KCNN3: variants seen among roughly 807,000 people sequenced by gnomAD.
KCNN3 encodes small conductance calcium-activated potassium channel protein 3.
In KCNN3, 16 loss-of-function variants were observed where a neutral mutation model predicts 62.9. That is an observed-to-expected ratio of 0.25 (90% CI 0.17 to 0.39). The LOEUF (loss-of-function observed/expected upper bound fraction) is 0.39. KCNN3 is among the 10% of genes least tolerant of loss of function. The pLI, the probability that KCNN3 is intolerant of heterozygous loss-of-function variation, is 1.00. For synonymous variants in KCNN3, 370 were observed against 389.2 expected (o/e 0.95, Z 0.58); for missense variants, 599 against 949.4 (o/e 0.63, Z 4.85).
chr1:154,715,079 C>T, intron 5 of KCNN3, 76 bp from the exon 6 acceptor site: 1 of 1,547,800 alleles, frequency 6.5e-7, no homozygotes, highest in Non-Finnish European at 8.9e-7. Context: ...CTACTGTAGT[C>T]TACCTCATAA....
chr1:154,833,577 T>C (rs1398318223), intron 1 of KCNN3, among the ~76,000 whole-genome samples: 1 of 152,200 alleles, frequency 6.6e-6, no homozygotes, highest in African/African-American at 2.4e-5. Context: ...TCCCCGATTC[T>C]ATAGGCAAGC....
At chr1:154,764,853 A>G (rs888150917) in intron 3 of KCNN3, among the ~76,000 whole-genome samples, 2 of 152,204 alleles carry the variant, frequency 1.3e-5, no homozygotes, top group African/African-American at 4.8e-5. Context: ...TTTCTTTACA[A>G]CATTTCATTA....
chr1:154,749,198 G>A (rs1051464024), intron 3 of KCNN3, among the ~76,000 whole-genome samples: 2 of 152,222 alleles, frequency 1.3e-5, no homozygotes, highest in African/African-American at 4.8e-5. Flanking sequence ...GTTGCGCACT[G>A]TGCAACTCCA....
At position 154,799,140 on chromosome 1, in the gene KCNN3, CT is replaced by C. The variant is rs556463722; in HGVS notation, c.1029+22948del. On this transcript the variant is annotated intron_variant, in intron 2 of 7. Coordinates refer to ENST00000271915, the MANE Select transcript of KCNN3 (RefSeq NM_002249.6). ...CCATGTTGGCCAGGCTGGTCTCGAA[CT>C]CCTGACTTCAAGTGATCTGCCTGCC... is the stretch of plus-strand genomic sequence containing the variant. Among the ~76,000 whole-genome samples, 214 of 152,288 alleles carry C rather than the reference CT, an allele frequency of 1.4e-3. 1 individual carries two copies. Among genetic ancestry groups the C allele is most frequent in the African/African-American group, 4.6e-3 (190 of 41,564 alleles).
intron 2 of KCNN3, among the ~76,000 whole-genome samples, chr1:154,800,971 G>A (rs1649929565): frequency 6.6e-6 from 1 of 152,198 alleles, no homozygotes; most frequent in Admixed American, 6.5e-5. Context: ...CTTGAGCCTG[G>A]GAGGTGGAGG....
intron 1 of KCNN3, among the ~76,000 whole-genome samples, chr1:154,854,542 A>C (rs1460539710): frequency 1.3e-5 from 2 of 152,224 alleles, no homozygotes; most frequent in Non-Finnish European, 2.9e-5. Context: ...TATATAATTA[A>C]CTTAGATAGT....
At chr1:154,799,598 A>T (rs1649870457) in intron 2 of KCNN3, among the ~76,000 whole-genome samples, 1 of 152,208 alleles carries the variant, frequency 6.6e-6, no homozygotes, top group African/African-American at 2.4e-5. Flanking sequence ...GCATAGGGTC[A>T]TGTAGGAATT....
intron 2 of KCNN3, among the ~76,000 whole-genome samples, chr1:154,775,789 C>A (rs1648764089): frequency 6.6e-6 from 1 of 152,202 alleles, no homozygotes; most frequent in African/African-American, 2.4e-5. Flanking sequence ...TTAGAAAGCC[C>A]TAATGGCTGC....
intron 1 of KCNN3, among the ~76,000 whole-genome samples, chr1:154,856,189 G>T (rs1652518375): frequency 6.6e-6 from 1 of 152,236 alleles, no homozygotes; most frequent in South Asian, 2.1e-4. Flanking sequence ...TGCTAGGAGG[G>T]TTCAGGAGAC....
At chr1:154,759,960 T>C (rs942816038) in intron 3 of KCNN3, among the ~76,000 whole-genome samples, 47 of 152,102 alleles carry the variant, frequency 3.1e-4, no homozygotes, top group African/African-American at 1.0e-3. Context: ...CCAGTTTCTT[T>C]TTTATTTTAT....
At chr1:154,729,321 A>C (rs1330974426) in intron 4 of KCNN3, among the ~76,000 whole-genome samples, 2 of 152,148 alleles carry the variant, frequency 1.3e-5, no homozygotes, top group East Asian at 3.9e-4. Flanking sequence ...TCCAACTTCC[A>C]GTTCCATGGG....
At chr1:154,755,813 GGCAAA>G in intron 3 of KCNN3, among the ~76,000 whole-genome samples, 1 of 136,080 alleles carries the variant, frequency 7.3e-6, no homozygotes, top group Non-Finnish European at 1.6e-5. Context: ...AGAAGAAGAA[GGCAAA>G]GAAGAAGAAG....
At chr1:154,750,112 G>A (rs570629524) in intron 3 of KCNN3, among the ~76,000 whole-genome samples, 8 of 152,348 alleles carry the variant, frequency 5.3e-5, no homozygotes, top group Non-Finnish European at 8.8e-5. Context: ...TCTGGTACAC[G>A]TCAGGAATAA....
At chr1:154,760,160 G>A (rs1392955639) in intron 3 of KCNN3, among the ~76,000 whole-genome samples, 4 of 151,740 alleles carry the variant, frequency 2.6e-5, no homozygotes, top group Admixed American at 6.6e-5. Context: ...TTACAGGTGC[G>A]CGCCACCACG....
intron 2 of KCNN3, among the ~76,000 whole-genome samples, chr1:154,792,848 A>G (rs1649576048): frequency 6.6e-6 from 1 of 152,190 alleles, no homozygotes. Context: ...CCTGTGATGC[A>G]GGCAGAAGTT....
intron 1 of KCNN3, among the ~76,000 whole-genome samples, chr1:154,848,046 C>T (rs1652149617): frequency 6.6e-6 from 1 of 152,192 alleles, no homozygotes; most frequent in Non-Finnish European, 1.5e-5. Flanking sequence ...TATTCCACCT[C>T]CTTTGGGCCT....
At chr1:154,726,123 C>T (rs992301360) in intron 4 of KCNN3, 97 bp from the exon 5 acceptor site, 3 of 857,234 alleles carry the variant, frequency 3.5e-6, no homozygotes, top group African/African-American at 1.7e-5. Flanking sequence ...GGGGTAATTT[C>T]CTGGGAGTGG....
chr1:154,717,941 C>T (rs563942763), intron 5 of KCNN3, among the ~76,000 whole-genome samples: 3 of 152,238 alleles, frequency 2.0e-5, no homozygotes, highest in East Asian at 1.9e-4. Context: ...TTGTTGGGGT[C>T]GGGAGCACAT....
chr1:154,839,220 C>T (rs1651725286), intron 1 of KCNN3, among the ~76,000 whole-genome samples: 1 of 152,168 alleles, frequency 6.6e-6, no homozygotes, highest in South Asian at 2.1e-4. Context: ...GAGTGACCTG[C>T]GATCTGCAGA....
Sources: gnomAD v4.1 joint callset for allele counts (sites outside exome capture counted in the v4.1 genomes callset) on GRCh38, gnomAD v4.1.1 for gene constraint, MANE v1.5 for transcripts, NCBI Gene and HGNC (gene_info 2026-07-23, HGNC 2026-07-21) for gene names.